Variants in WDFY1 observed in about 807,000 individuals in gnomAD.
WDFY1 encodes WD repeat and FYVE domain containing 1.
In WDFY1, 32 loss-of-function variants were observed where a neutral mutation model predicts 56.4. The observed-to-expected ratio is 0.57, with a 90% CI of 0.43 to 0.76. WDFY1 has a LOEUF of 0.76. Ranked by LOEUF, WDFY1 falls within the 30% of genes least tolerant of loss-of-function variation. WDFY1 has a pLI of 0.00. For missense variants in WDFY1, 480 were observed against 545.7 expected, an observed-to-expected ratio of 0.88 and a Z score of 1.20; for synonymous variants, 192 against 197.3, an observed-to-expected ratio of 0.97 and a Z score of 0.23.
At chr2:223,942,222 A>G (rs1186098023) in intron 1 of WDFY1, among the ~76,000 whole-genome samples, 1 of 151,776 alleles carries the variant, frequency 6.6e-6, no homozygotes, top group Non-Finnish European at 1.5e-5. Context: ...AAGGCTGCTA[A>G]CTTTTTTTTT....
chr2:223,889,917 G>A (rs182657737), intron 8 of WDFY1, among the ~76,000 whole-genome samples: 71 of 152,168 alleles, frequency 4.7e-4, no homozygotes, highest in East Asian at 4.1e-3. Context: ...AGGAGATACC[G>A]AGCAACACTA....
At chr2:223,893,180 C>G (rs1314790419) in intron 8 of WDFY1, among the ~76,000 whole-genome samples, 1 of 152,028 alleles carries the variant, frequency 6.6e-6, no homozygotes, top group Non-Finnish European at 1.5e-5. Flanking sequence ...ATCAATCACA[C>G]AATGACAAGG....
At chr2:223,889,414 C>G (rs1457455726) in intron 8 of WDFY1, among the ~76,000 whole-genome samples, 1 of 152,204 alleles carries the variant, frequency 6.6e-6, no homozygotes, top group Non-Finnish European at 1.5e-5. Flanking sequence ...CCACATCTCA[C>G]TTAGAATTGT....
intron 10 of WDFY1, among the ~76,000 whole-genome samples, chr2:223,880,810 A>C (rs948560209): frequency 6.6e-6 from 1 of 152,084 alleles, no homozygotes; most frequent in Non-Finnish European, 1.5e-5. Flanking sequence ...TAGATATAAA[A>C]ACAAGAATCT....
chr2:223,930,083 C>T (rs1347070212), intron 1 of WDFY1, among the ~76,000 whole-genome samples: 1 of 152,204 alleles, frequency 6.6e-6, no homozygotes, highest in African/African-American at 2.4e-5. Context: ...AACTTCAAAG[C>T]TCACTTGGTT....
rs1194128689 is a variant in WDFY1, at chr2:223,897,351, CATATATAT to C, written c.598+1599_598+1606del. Among the ~76,000 whole-genome samples the C allele has an allele frequency of 2.2e-3, 116 of 53,676 alleles. 4 individuals are homozygous for C. The highest frequency in any genetic ancestry group is 5.7e-4 in the East Asian group (1 of 1,748). The allele number at this position is 53,676 out of a possible 152,430, so 35.2% of individuals were successfully genotyped here. ...AGACATGTGTCCCCTCTAAATTTCG[CATATATAT>C]ATATATATATATATATATATATATA... On this transcript the variant is annotated intron_variant, in intron 6 of 11. Transcript: ENST00000233055.
chr2:223,940,000 T>C (rs898343672), intron 1 of WDFY1, among the ~76,000 whole-genome samples: 1 of 152,244 alleles, frequency 6.6e-6, no homozygotes, highest in African/African-American at 2.4e-5. Context: ...TTTTAGCGTT[T>C]GTAAAATGAA....
At chr2:223,929,025 C>A (rs1694031267) in intron 1 of WDFY1, among the ~76,000 whole-genome samples, 1 of 152,130 alleles carries the variant, frequency 6.6e-6, no homozygotes, top group African/African-American at 2.4e-5. Context: ...GAAGGCAGAG[C>A]CAGCAGAGCT....
chr2:223,923,010 G>T (rs545368585), intron 1 of WDFY1, among the ~76,000 whole-genome samples: 1 of 152,258 alleles, frequency 6.6e-6, no homozygotes, highest in African/African-American at 2.4e-5. Flanking sequence ...AGACTTCCAC[G>T]ATCTCTTAGG....
At chr2:223,930,493 C>A (rs1217155799) in intron 1 of WDFY1, among the ~76,000 whole-genome samples, 2 of 152,212 alleles carry the variant, frequency 1.3e-5, no homozygotes, top group East Asian at 3.8e-4. Flanking sequence ...CCACGCCAGG[C>A]TAAGTTTGTG....
intron 10 of WDFY1, among the ~76,000 whole-genome samples, chr2:223,881,262 G>A (rs1693065071): frequency 6.6e-6 from 1 of 152,152 alleles, no homozygotes; most frequent in Non-Finnish European, 1.5e-5. Context: ...AAAGGTCTGG[G>A]CACTGGATAC....
At chr2:223,899,136 C>G (rs566414977) in intron 5 of WDFY1, 66 bp from the exon 6 acceptor site, 1 of 1,280,534 alleles carries the variant, frequency 7.8e-7, no homozygotes, top group Admixed American at 1.7e-5. Context: ...AGAGAGATAC[C>G]AGCATTAGTC....
intron 5 of WDFY1, chr2:223,900,719 A>G (rs1693493321): frequency 6.5e-6 from 1 of 152,696 alleles, no homozygotes; most frequent in African/African-American, 2.4e-5. Flanking sequence ...ATAAACCCTT[A>G]ATGTTCAGTA....
chr2:223,877,125 AC>A lies in WDFY1; in HGVS notation c.*1545del, dbSNP rs568179696. 217 of 152,142 alleles carry A rather than the reference AC, an allele frequency of 1.4e-3. 2 individuals carry two copies. Among genetic ancestry groups the A allele is most frequent in the Middle Eastern group, 6.8e-3 (2 of 294 alleles). 9.4% of individuals were successfully genotyped at this position (152,142 alleles called of 1,614,324 possible). A position where few individuals can be genotyped will look rare whatever the true frequency, so the allele number is the denominator to read the frequency against. The stretch of plus-strand genomic sequence containing the variant: ...ATCATTCCAGTACATGATGTGCGTG[AC>A]CCCCTTTCCTTTCCTTACGTGTGTC... On this transcript the variant is annotated 3_prime_UTR_variant, in exon 12 of 12. Transcript: ENST00000233055.
At chr2:223,906,952 TACC>T (rs199918843) in intron 3 of WDFY1, among the ~76,000 whole-genome samples, 1,310 of 59,718 alleles carry the variant, frequency 0.022, 21 homozygotes, top group African/African-American at 0.075. Context: ...GAATTACTAC[TACC>T]ATTATTATTA....
chr2:223,891,703 G>A (rs1015691611), intron 8 of WDFY1, among the ~76,000 whole-genome samples: 3 of 152,168 alleles, frequency 2.0e-5, no homozygotes, highest in Admixed American at 6.5e-5. Flanking sequence ...ATTTACCAAC[G>A]ATAAAAAGAG....
At chr2:223,902,361 G>C (rs1305214629) in intron 4 of WDFY1, among the ~76,000 whole-genome samples, 2 of 152,096 alleles carry the variant, frequency 1.3e-5, no homozygotes, top group Non-Finnish European at 2.9e-5. Flanking sequence ...CCAGGAGTTG[G>C]AGACCAGCCT....
In WDFY1 at chr2:223,928,447, AC is replaced by A. The variant is rs562872861; in HGVS notation, c.138-10438del. ...ACAATGTCCTGGGCTCCTTGTGAGA[AC>A]CCCAGAGAAAAGATACGGAGGCTGA... On this transcript the variant is annotated intron_variant, in intron 1 of 11. Coordinates refer to ENST00000233055, the MANE Select transcript of WDFY1 (RefSeq NM_020830.5). Among the ~76,000 whole-genome samples the A allele has an allele frequency of 2.5e-4, 38 of 152,258 alleles. No homozygotes were observed. The South Asian group carries it at 7.7e-3, about 31-fold the overall frequency.
intron 6 of WDFY1, among the ~76,000 whole-genome samples, 186 bp downstream of exon 6, chr2:223,898,772 G>A (rs934995431): frequency 1.3e-5 from 2 of 152,062 alleles, no homozygotes; most frequent in African/African-American, 2.4e-5. Flanking sequence ...AAGGGATTTC[G>A]ACAATATGAA....
Sources: gnomAD v4.1 joint callset for allele counts (sites outside exome capture counted in the v4.1 genomes callset) on GRCh38, gnomAD v4.1.1 for gene constraint, MANE v1.5 for transcripts, NCBI Gene and HGNC (gene_info 2026-07-23, HGNC 2026-07-21) for gene names.